ABCG1: variants seen among roughly 807,000 people sequenced by gnomAD.
ABCG1 encodes ATP-binding cassette sub-family G member 1.
A neutral mutation model predicts 69.2 loss-of-function variants in ABCG1; 29 were observed. The ratio of observed to expected loss-of-function variants is 0.42; its 90% CI spans 0.31 to 0.57. The LOEUF is 0.57. Ranked by LOEUF, ABCG1 falls within the 20% of genes least tolerant of loss-of-function variation. The pLI, the probability that ABCG1 is intolerant of heterozygous loss-of-function variation, is 0.15. For synonymous variants in ABCG1, 370 were observed against 374.8 expected (o/e 0.99, Z 0.15); for missense variants, 718 against 898.1 (o/e 0.80, Z 2.56).
At chr21:42,266,616 C>T (rs1193676646) in intron 2 of ABCG1, among the ~76,000 whole-genome samples, 3 of 152,224 alleles carry the variant, frequency 2.0e-5, no homozygotes. Context: ...GAGCACTCTT[C>T]TATCCTCCTC....
At chr21:42,246,408 C>T (rs2068134818) in intron 2 of ABCG1, among the ~76,000 whole-genome samples, 1 of 152,164 alleles carries the variant, frequency 6.6e-6, no homozygotes, top group Non-Finnish European at 1.5e-5. Context: ...ATAAAATAAT[C>T]TCAGTCCATG....
intron 6 of ABCG1, among the ~76,000 whole-genome samples, chr21:42,284,293 C>CCCCT (rs2056434688): frequency 6.6e-6 from 1 of 151,162 alleles, no homozygotes; most frequent in African/African-American, 2.5e-5. Context: ...GGACCCCCCC[C>CCCCT]CAGTCCTGGA....
intron 2 of ABCG1, among the ~76,000 whole-genome samples, chr21:42,268,823 T>C (rs908907880): frequency 2.0e-5 from 3 of 152,130 alleles, no homozygotes; most frequent in Non-Finnish European, 4.4e-5. Flanking sequence ...GAGGGCCGAA[T>C]GCTCCCAGCC....
At chr21:42,260,978 C>T (rs983015557) in intron 2 of ABCG1, among the ~76,000 whole-genome samples, 2 of 152,154 alleles carry the variant, frequency 1.3e-5, no homozygotes, top group Non-Finnish European at 2.9e-5. Flanking sequence ...CCAGCCACCA[C>T]ACCCGGCTAA....
chr21:42,268,362 G>GGTGTGTGTGTGTGTGTGTGT lies in ABCG1; in HGVS notation c.287-2700_287-2681dup, dbSNP rs1555957893. On this transcript the variant is annotated intron_variant, in intron 2 of 14. Coordinates refer to ENST00000398449, the MANE Select transcript of ABCG1 (RefSeq NM_016818.3). ...ATTTCCTTACATAAATAGAGGTAGG[G>GGTGTGTGTGTGTGTGTGTGT]GTGTGTGTGTGTGTGTGTGTGTGTG... Among the ~76,000 whole-genome samples, 67 of 147,704 alleles carry GGTGTGTGTGTGTGTGTGTGT rather than the reference G, an allele frequency of 4.5e-4. 1 individual carries two copies. Among genetic ancestry groups the GGTGTGTGTGTGTGTGTGTGT allele is most frequent in the African/African-American group, 1.7e-3 (67 of 39,724 alleles).
intron 1 of ABCG1, chr21:42,220,003 G>C: frequency 6.4e-7 from 1 of 1,553,568 alleles, no homozygotes; most frequent in South Asian, 1.2e-5. Context: ...GCTCCGGAGA[G>C]GGATGGCGGG....
chr21:42,211,573 G>A (rs2067589498), upstream of ABCG1, among the ~76,000 whole-genome samples: 1 of 151,830 alleles, frequency 6.6e-6, no homozygotes, highest in South Asian at 2.1e-4. Flanking sequence ...TACCCATAGT[G>A]ACAGCATTAA....
intron 1 of ABCG1, among the ~76,000 whole-genome samples, chr21:42,200,636 T>C (rs1284339234): frequency 6.6e-6 from 1 of 151,546 alleles, no homozygotes; most frequent in Non-Finnish European, 1.5e-5. Flanking sequence ...TCTGTTGCAC[T>C]GGAGTGCAGT....
chr21:42,240,735 A>G (rs1268051402), intron 2 of ABCG1, among the ~76,000 whole-genome samples: 1 of 152,236 alleles, frequency 6.6e-6, no homozygotes, highest in Non-Finnish European at 1.5e-5. Context: ...GGCGTGAGCC[A>G]CCGCACCCAG....
chr21:42,211,410 C>A (rs1329549864), upstream of ABCG1, among the ~76,000 whole-genome samples: 3 of 152,132 alleles, frequency 2.0e-5, no homozygotes, highest in East Asian at 1.9e-4. Flanking sequence ...GCATGGTTTT[C>A]CTCTGCTCCT....
At chr21:42,242,043 C>T (rs558043796) in intron 2 of ABCG1, among the ~76,000 whole-genome samples, 173 of 151,880 alleles carry the variant, frequency 1.1e-3, no homozygotes, top group African/African-American at 3.9e-3. Context: ...AATATGCCTG[C>T]CATTGAAAGC....
intron 2 of ABCG1, among the ~76,000 whole-genome samples, chr21:42,229,557 GA>G (rs1255868115): frequency 2.0e-5 from 3 of 151,860 alleles, no homozygotes; most frequent in Admixed American, 6.6e-5. Context: ...GTCTCTAGTA[GA>G]AATACAAAAA....
chr21:42,256,428 T>C lies in ABCG1; in HGVS notation c.287-14642T>C, dbSNP rs751063523. On this transcript the variant is annotated intron_variant, in intron 2 of 14. Coordinates refer to ENST00000398449, the MANE Select transcript of ABCG1 (RefSeq NM_016818.3). Reference sequence around the variant, plus strand: ...TGTCTGGTCCCTACTCACACCTTCCTGTCAGAGTATCCAGAGGCCGCAGAG... The same window carrying C: ...TGTCTGGTCCCTACTCACACCTTCCCGTCAGAGTATCCAGAGGCCGCAGAG... 2.5e-5 allele frequency: 39 copies of C among 1,549,232 alleles called. No individual in the cohort carries two copies. In the South Asian group the frequency reaches 4.5e-4, roughly 18 times the overall value.
chr21:42,292,501 A>G (rs1001645805), intron 13 of ABCG1, among the ~76,000 whole-genome samples: 1 of 152,042 alleles, frequency 6.6e-6, no homozygotes, highest in African/African-American at 2.4e-5. Context: ...TAGGGCACTC[A>G]GGCTCCGCAG....
At chr21:42,237,750 C>T (rs998999200) in intron 2 of ABCG1, among the ~76,000 whole-genome samples, 12 of 152,240 alleles carry the variant, frequency 7.9e-5, no homozygotes, top group Admixed American at 1.3e-4. Flanking sequence ...TCTTCCCTTG[C>T]TGTGTCAAAC....
chr21:42,246,331 C>T (rs939370980), intron 2 of ABCG1, among the ~76,000 whole-genome samples: 2 of 152,172 alleles, frequency 1.3e-5, no homozygotes, highest in South Asian at 2.1e-4. Flanking sequence ...AGATATTTGT[C>T]ACCTCTTTAA....
At chr21:42,225,537 C>A in intron 1 of ABCG1, 134 bp from the exon 2 acceptor site, 2 of 1,133,430 alleles carry the variant, frequency 1.8e-6, no homozygotes, top group Non-Finnish European at 2.5e-6. Context: ...TCTCCTGGGG[C>A]CAAAGGTGCT....
At chr21:42,290,247 C>G in intron 11 of ABCG1, 29 bp downstream of exon 11, 2 of 1,600,164 alleles carry the variant, frequency 1.2e-6, no homozygotes, top group Non-Finnish European at 1.7e-6. Context: ...ACCCCTTCTT[C>G]CTTATTTTCA....
At chr21:42,260,044 TG>T in intron 2 of ABCG1, 1 of 1,550,288 alleles carries the variant, frequency 6.5e-7, no homozygotes, top group Non-Finnish European at 8.7e-7. Flanking sequence ...CCCCATCACC[TG>T]GGGGTGGTCG....
Sources: allele counts gnomAD v4.1 joint callset (sites outside exome capture counted in the v4.1 genomes callset), GRCh38; gene constraint gnomAD v4.1.1; transcripts MANE v1.5; gene names NCBI Gene and HGNC (gene_info 2026-07-23, HGNC 2026-07-21).